The following FRMD5 variants were observed in gnomAD, a reference collection of about 807,000 sequenced individuals.
FRMD5 encodes FERM domain containing 5.
In FRMD5, 20 loss-of-function variants were observed where a neutral mutation model predicts 69.0. The observed-to-expected ratio is 0.29, with a 90% CI of 0.20 to 0.42. The LOEUF (loss-of-function observed/expected upper bound fraction) is 0.42. FRMD5 is among the 10% of genes least tolerant of loss of function. FRMD5 has a pLI of 1.00. For missense variants in FRMD5, 595 were observed against 708.6 expected (o/e 0.84, Z 1.82); for synonymous variants, 271 against 260.1 (o/e 1.04, Z -0.40).
chr15:44,028,711 G>A (rs1294713232), intron 1 of FRMD5, among the ~76,000 whole-genome samples: 1 of 152,168 alleles, frequency 6.6e-6, no homozygotes, highest in South Asian at 2.1e-4. Flanking sequence ...ACTGGGTTCT[G>A]AGCAAGCAGC....
chr15:43,962,606 T>C (rs2090220984), intron 1 of FRMD5, among the ~76,000 whole-genome samples: 1 of 152,208 alleles, frequency 6.6e-6, no homozygotes, highest in South Asian at 2.1e-4. Context: ...AAGTCAATCC[T>C]AAGCCAAAAG....
chr15:43,951,302 G>T (rs2090023654), intron 1 of FRMD5, among the ~76,000 whole-genome samples: 1 of 151,666 alleles, frequency 6.6e-6, no homozygotes, highest in South Asian at 2.1e-4. Context: ...GGCACCTGTA[G>T]TCCCAGCTAC....
chr15:43,989,783 C>A (rs1433419494), intron 1 of FRMD5: 2 of 1,039,840 alleles, frequency 1.9e-6, no homozygotes, highest in Non-Finnish European at 3.0e-6. Context: ...TGGATGGCCA[C>A]GTACATGGCT....
At chr15:44,089,956 GA>G (rs2076448603) in intron 1 of FRMD5, among the ~76,000 whole-genome samples, 2 of 152,060 alleles carry the variant, frequency 1.3e-5, no homozygotes, top group African/African-American at 4.8e-5. Context: ...TTATCATAAA[GA>G]AAGAACACAG....
At chr15:44,169,460 G>A (rs995450126) in intron 1 of FRMD5, among the ~76,000 whole-genome samples, 8 of 152,132 alleles carry the variant, frequency 5.3e-5, no homozygotes, top group African/African-American at 1.9e-4. Context: ...AGGGAGTAGA[G>A]AGAAGTGAAG....
chr15:44,050,850 G>T (rs1010026142), intron 1 of FRMD5, among the ~76,000 whole-genome samples: 6 of 151,600 alleles, frequency 4.0e-5, no homozygotes, highest in Admixed American at 3.9e-4. Context: ...TAGAGACGGG[G>T]TTTCACCATG....
intron 1 of FRMD5, among the ~76,000 whole-genome samples, chr15:43,972,492 CT>C (rs1202030663): frequency 6.6e-6 from 1 of 151,912 alleles, no homozygotes; most frequent in Non-Finnish European, 1.5e-5. Context: ...ATAAGAAAAC[CT>C]TTCTATATCT....
At chr15:44,187,033 G>C (rs2140592091) in intron 1 of FRMD5, among the ~76,000 whole-genome samples, 1 of 152,236 alleles carries the variant, frequency 6.6e-6, no homozygotes, top group Non-Finnish European at 1.5e-5. Flanking sequence ...GGACTCCATG[G>C]GTCACATTTC....
chr15:44,083,293 C>T (rs946678452), intron 1 of FRMD5, among the ~76,000 whole-genome samples: 1 of 151,964 alleles, frequency 6.6e-6, no homozygotes, highest in East Asian at 1.9e-4. Flanking sequence ...CTTCTAAATG[C>T]ATCCACTAAA....
intron 1 of FRMD5, among the ~76,000 whole-genome samples, chr15:43,931,775 G>A (rs865899021): frequency 2.2e-4 from 33 of 152,260 alleles, no homozygotes; most frequent in Admixed American, 1.0e-3. Context: ...ATATGTGATG[G>A]ATCCTGAGGT....
intron 1 of FRMD5, among the ~76,000 whole-genome samples, chr15:44,132,413 G>C (rs2140422763): frequency 6.6e-6 from 1 of 152,248 alleles, no homozygotes; most frequent in African/African-American, 2.4e-5. Flanking sequence ...GATGATGGTA[G>C]TACATTATGA....
chr15:43,921,954 C>T (rs1359717725), intron 2 of FRMD5, among the ~76,000 whole-genome samples: 3 of 152,134 alleles, frequency 2.0e-5, no homozygotes, highest in Non-Finnish European at 2.9e-5. Flanking sequence ...TCTTGAGACC[C>T]AGGGAAAGAG....
chr15:44,011,633 A>C (rs1226585730), intron 1 of FRMD5, among the ~76,000 whole-genome samples: 1 of 152,200 alleles, frequency 6.6e-6, no homozygotes, highest in Non-Finnish European at 1.5e-5. Flanking sequence ...TGATGCCATG[A>C]AAGTGGATGA....
Position 44,000,335 on chromosome 15 carries a change from T to C in FRMD5, c.103-76026A>G, listed in dbSNP as rs533124991. ...CTTTTGTGAATGAACACTTAAAAGA[T>C]TGTTTCCATTTCTTGGCTATTGTGA... On this transcript the variant is annotated intron_variant, in intron 1 of 13. Coordinates refer to ENST00000417257, the MANE Select transcript of FRMD5 (RefSeq NM_032892.5). 1.7e-4 allele frequency among the ~76,000 whole-genome samples: 26 copies of C among 152,194 alleles called. No homozygotes were observed. The South Asian group carries it at 5.0e-3, about 29-fold the overall frequency.
intron 1 of FRMD5, among the ~76,000 whole-genome samples, chr15:43,958,528 G>A (rs1204446957): frequency 1.3e-5 from 2 of 152,142 alleles, no homozygotes; most frequent in Non-Finnish European, 2.9e-5. Flanking sequence ...TACCTCTGGG[G>A]CTCAGGTGAT....
chr15:44,056,043 G>T (rs550270155), intron 1 of FRMD5, among the ~76,000 whole-genome samples: 1 of 152,234 alleles, frequency 6.6e-6, no homozygotes, highest in African/African-American at 2.4e-5. Context: ...ATCAACATAT[G>T]ATTCTCTCTC....
At chr15:43,971,748 C>T (rs2090382923) in intron 1 of FRMD5, among the ~76,000 whole-genome samples, 1 of 151,356 alleles carries the variant, frequency 6.6e-6, no homozygotes, top group South Asian at 2.1e-4. Context: ...CTCTTGTTGC[C>T]CAGGCTGGAG....
chr15:44,100,212 C>T (rs995705640), intron 1 of FRMD5, among the ~76,000 whole-genome samples: 34 of 151,074 alleles, frequency 2.3e-4, no homozygotes, highest in African/African-American at 8.2e-4. Flanking sequence ...TGCCACCACA[C>T]CCGGCTAAAT....
chr15:43,956,606 T>G (rs745428102), intron 1 of FRMD5, among the ~76,000 whole-genome samples: 1 of 152,208 alleles, frequency 6.6e-6, no homozygotes, highest in Non-Finnish European at 1.5e-5. Flanking sequence ...ACCCTGCTCT[T>G]GGGTCACGGG....
Sources: allele counts gnomAD v4.1 joint callset (sites outside exome capture counted in the v4.1 genomes callset), GRCh38; gene constraint gnomAD v4.1.1; transcripts MANE v1.5; gene names NCBI Gene and HGNC (gene_info 2026-07-23, HGNC 2026-07-21).